THOC1: variants seen among roughly 807,000 people sequenced by gnomAD.
The protein encoded by THOC1 is THO complex subunit 1.
In THOC1, 29 loss-of-function variants were observed where a neutral mutation model predicts 97.3. The observed-to-expected ratio is 0.30, with a 90% CI of 0.22 to 0.41. The LOEUF is 0.41. Among genes scored for constraint, THOC1 ranks in the 10% least tolerant of loss-of-function variants. The pLI, the probability that THOC1 is intolerant of heterozygous loss-of-function variation, is 1.00. For missense variants in THOC1, 529 were observed against 761.9 expected (o/e 0.69, Z 3.60); for synonymous variants, 255 against 257.0 (o/e 0.99, Z 0.07).
intron 11 of THOC1, chr18:245,851 G>A (rs1270916886): frequency 1.3e-5 from 2 of 152,926 alleles, no homozygotes; most frequent in Non-Finnish European, 2.9e-5. Flanking sequence ...TTGGAGCAAA[G>A]GGAGTGAGTC....
intron 15 of THOC1, 45 bp from the exon 16 acceptor site, chr18:224,224 T>C: frequency 7.7e-7 from 1 of 1,306,590 alleles, no homozygotes; most frequent in Non-Finnish European, 1.1e-6. Flanking sequence ...TACAAATGGA[T>C]AACAGAAATA....
chr18:241,141 C>T (rs188346985), intron 11 of THOC1, among the ~76,000 whole-genome samples: 26 of 152,162 alleles, frequency 1.7e-4, no homozygotes, highest in Non-Finnish European at 2.4e-4. Context: ...CTAAAAGCCT[C>T]CCATGCCGAG....
chr18:238,013 C>T (rs147806228), intron 11 of THOC1, among the ~76,000 whole-genome samples: 20 of 152,140 alleles, frequency 1.3e-4, no homozygotes, highest in South Asian at 8.3e-4. Flanking sequence ...ATTACAGGCA[C>T]GCACCACCAC....
chr18:233,308 C>A (rs1235151344), intron 11 of THOC1, among the ~76,000 whole-genome samples: 1 of 152,140 alleles, frequency 6.6e-6, no homozygotes, highest in African/African-American at 2.4e-5. Flanking sequence ...AAGAATAGGC[C>A]AGGCCTGGTG....
chr18:240,234 G>T (rs1911851516), intron 11 of THOC1, among the ~76,000 whole-genome samples: 1 of 151,994 alleles, frequency 6.6e-6, no homozygotes, highest in Non-Finnish European at 1.5e-5. Context: ...TCAAGATTAG[G>T]CTCCAAATTC....
chr18:256,357 T>C (rs566306531), intron 7 of THOC1, among the ~76,000 whole-genome samples: 1 of 152,318 alleles, frequency 6.6e-6, no homozygotes, highest in South Asian at 2.1e-4. Flanking sequence ...CCAACCCTCA[T>C]AGATGACTTC....
chr18:252,640 G>A, intron 8 of THOC1, 28 bp from the exon 9 acceptor site: 4 of 1,560,844 alleles, frequency 2.6e-6, no homozygotes, highest in South Asian at 1.1e-5. Flanking sequence ...TGTATAGCCT[G>A]TCATGAAGCA....
intron 7 of THOC1, among the ~76,000 whole-genome samples, chr18:257,782 A>G (rs1270381838): frequency 2.7e-5 from 4 of 146,426 alleles, no homozygotes; most frequent in African/African-American, 9.8e-5. Flanking sequence ...AAGTTTAGAA[A>G]ACTAAAAAAA....
At chr18:222,872 T>C (rs1343789846) in intron 17 of THOC1, among the ~76,000 whole-genome samples, 2 of 152,120 alleles carry the variant, frequency 1.3e-5, no homozygotes, top group Non-Finnish European at 2.9e-5. Flanking sequence ...CTTGAACCTA[T>C]GAATTCATGC....
chr18:219,432 G>C (rs1299064618), intron 17 of THOC1, among the ~76,000 whole-genome samples: 3 of 105,172 alleles, frequency 2.9e-5, no homozygotes, highest in African/African-American at 1.2e-4. Context: ...GGACAAGATT[G>C]TGGGCATGTG....
intron 11 of THOC1, 164 bp downstream of exon 11, chr18:246,160 G>C (rs747422169): frequency 3.5e-6 from 2 of 577,310 alleles, no homozygotes; most frequent in African/African-American, 3.9e-5. Flanking sequence ...TCCTACTTCT[G>C]AAAGGAAGAA....
chr18:265,607 AGT>A (rs1161242410), intron 1 of THOC1, 77 bp from the exon 2 acceptor site: 15 of 1,177,462 alleles, frequency 1.3e-5, no homozygotes, highest in Non-Finnish European at 1.8e-5. Flanking sequence ...GTTCATTGAT[AGT>A]GTATCTTACT....
intron 12 of THOC1, 102 bp downstream of exon 12, chr18:226,699 A>G: frequency 1.3e-6 from 1 of 769,410 alleles, no homozygotes; most frequent in Admixed American, 2.6e-5. Context: ...TTAGGGATAC[A>G]GCCTTAACAT....
intron 9 of THOC1, 41 bp downstream of exon 9, chr18:252,498 T>C: frequency 6.9e-7 from 1 of 1,451,082 alleles, no homozygotes; most frequent in East Asian, 2.3e-5. Context: ...AATTAGGAGA[T>C]TATCTCTGTA....
intron 7 of THOC1, among the ~76,000 whole-genome samples, chr18:255,288 GGCTGAAAGTTCTCTTGC>G: frequency 6.6e-6 from 1 of 152,344 alleles, no homozygotes; most frequent in Non-Finnish European, 1.5e-5. Context: ...AGCCACGACA[GGCTGAAAGTTCTCTTGC>G]GCTTAACAGT....
At chr18:229,504 A>AC (rs1388825404) in intron 11 of THOC1, among the ~76,000 whole-genome samples, 10 of 140,676 alleles carry the variant, frequency 7.1e-5, no homozygotes, top group African/African-American at 2.1e-4. Context: ...ACATGGTGAA[A>AC]CCCCGTCTCT....
intron 11 of THOC1, among the ~76,000 whole-genome samples, chr18:227,769 G>A (rs937487040): frequency 1.3e-5 from 2 of 152,156 alleles, no homozygotes; most frequent in African/African-American, 2.4e-5. Context: ...GGAAAGCCAC[G>A]TTCTTCTAAA....
At chr18:251,269 A>T (rs573907284) in intron 9 of THOC1, among the ~76,000 whole-genome samples, 94 of 152,310 alleles carry the variant, frequency 6.2e-4, no homozygotes, top group Non-Finnish European at 1.2e-3. Flanking sequence ...CACTACCTCT[A>T]ATGTTTCTTC....
intron 11 of THOC1, among the ~76,000 whole-genome samples, chr18:229,335 A>G (rs1911401411): frequency 6.6e-6 from 1 of 152,200 alleles, no homozygotes; most frequent in African/African-American, 2.4e-5. Flanking sequence ...ACTGTTGCCA[A>G]TCAGCTCCTC....
Sources: allele counts gnomAD v4.1 joint callset (sites outside exome capture counted in the v4.1 genomes callset), GRCh38; gene constraint gnomAD v4.1.1; transcripts MANE v1.5; gene names NCBI Gene and HGNC (gene_info 2026-07-23, HGNC 2026-07-21).